TRPC4: variants seen among roughly 807,000 people sequenced by gnomAD.
TRPC4 encodes short transient receptor potential channel 4.
Under a neutral mutation model 99.4 loss-of-function variants are expected in TRPC4, and 49 were observed. The observed-to-expected ratio is 0.49, with a 90% CI of 0.39 to 0.63. TRPC4 has a LOEUF of 0.63. TRPC4 is among the 20% of genes least tolerant of loss of function. The probability of loss-of-function intolerance (pLI) is 0.00; values close to 1 mark genes in which losing one functional copy is unlikely to be tolerated. For missense variants in TRPC4, 898 were observed against 1,152.9 expected, an observed-to-expected ratio of 0.78 and a Z score of 3.20; for synonymous variants, 454 against 425.9, an observed-to-expected ratio of 1.07 and a Z score of -0.81.
intron 6 of TRPC4, among the ~76,000 whole-genome samples, chr13:37,661,381 C>T (rs1952432777): frequency 6.6e-6 from 1 of 152,154 alleles, no homozygotes; most frequent in Non-Finnish European, 1.5e-5. Flanking sequence ...TAAATCATGA[C>T]AGTGTTATGT....
chr13:37,862,806 T>C (rs1490983388), intron 1 of TRPC4, among the ~76,000 whole-genome samples: 1 of 151,550 alleles, frequency 6.6e-6, no homozygotes, highest in East Asian at 1.9e-4. Context: ...TATTAAGACC[T>C]CAGTAAAGTG....
At chr13:37,855,172 A>T (rs1241132878) in intron 1 of TRPC4, among the ~76,000 whole-genome samples, 1 of 151,764 alleles carries the variant, frequency 6.6e-6, no homozygotes. Context: ...ATTTTAAAAA[A>T]GCAAGCAGGA....
chr13:37,698,908 C>T (rs1192591992), intron 3 of TRPC4, among the ~76,000 whole-genome samples: 1 of 152,080 alleles, frequency 6.6e-6, no homozygotes. Flanking sequence ...AATACCTATA[C>T]CTAGTTTCTC....
intron 1 of TRPC4, among the ~76,000 whole-genome samples, chr13:37,799,602 G>T (rs1432135243): frequency 6.6e-6 from 1 of 152,152 alleles, no homozygotes. Flanking sequence ...AAAGAATTAA[G>T]ATGCAATTTG....
At chr13:37,711,762 C>T (rs1274002022) in intron 3 of TRPC4, among the ~76,000 whole-genome samples, 1 of 151,960 alleles carries the variant, frequency 6.6e-6, no homozygotes, top group East Asian at 1.9e-4. Flanking sequence ...AAGTCTGGTA[C>T]AGTGCTGTCC....
intron 2 of TRPC4, among the ~76,000 whole-genome samples, chr13:37,776,994 T>C (rs550772322): frequency 5.7e-4 from 87 of 152,110 alleles, no homozygotes; most frequent in African/African-American, 2.0e-3. Flanking sequence ...AATATCTTAC[T>C]TCAGACTGTT....
chr13:37,646,793 A>C (rs1294080621), intron 8 of TRPC4, among the ~76,000 whole-genome samples: 1 of 152,244 alleles, frequency 6.6e-6, no homozygotes, highest in African/African-American at 2.4e-5. Context: ...ATTTGACAGG[A>C]AGCAATGTCA....
chr13:37,859,114 C>A (rs910550244), intron 1 of TRPC4, among the ~76,000 whole-genome samples: 135 of 151,258 alleles, frequency 8.9e-4, no homozygotes, highest in African/African-American at 3.0e-3. Context: ...ATAAATAAAT[C>A]AGTTTACAGA....
At chr13:37,658,631 G>A (rs1005486756) in intron 6 of TRPC4, among the ~76,000 whole-genome samples, 18 of 152,192 alleles carry the variant, frequency 1.2e-4, no homozygotes, top group Non-Finnish European at 2.1e-4. Flanking sequence ...TGCTTAATGA[G>A]ACAATACCTG....
At chr13:37,860,192 A>G (rs1371343635) in intron 1 of TRPC4, among the ~76,000 whole-genome samples, 1 of 151,478 alleles carries the variant, frequency 6.6e-6, no homozygotes, top group Admixed American at 6.6e-5. Context: ...AAAATAAACT[A>G]TTAACAATGA....
intron 5 of TRPC4, among the ~76,000 whole-genome samples, chr13:37,671,750 A>G (rs1233652523): frequency 6.6e-6 from 1 of 152,186 alleles, no homozygotes; most frequent in Non-Finnish European, 1.5e-5. Context: ...CCAACTAGTA[A>G]GTGATGGAGG....
chr13:37,709,115 G>T (rs184277631), intron 3 of TRPC4, among the ~76,000 whole-genome samples: 1 of 152,010 alleles, frequency 6.6e-6, no homozygotes, highest in African/African-American at 2.4e-5. Flanking sequence ...AAACACTGGG[G>T]ATGAACTTGA....
At chr13:37,848,096 C>T (rs567151659) in intron 1 of TRPC4, among the ~76,000 whole-genome samples, 18 of 152,208 alleles carry the variant, frequency 1.2e-4, no homozygotes, top group African/African-American at 4.3e-4. Flanking sequence ...ATATTTTCAA[C>T]TTAAATGAGT....
rs141079535 is a variant in TRPC4, at chr13:37,688,477, G to T, written c.1234+3522C>A. Among the ~76,000 whole-genome samples the T allele has an allele frequency of 7.8e-4, 119 of 152,190 alleles. 1 individual carries two copies. Among genetic ancestry groups the T allele is most frequent in the African/African-American group, 2.7e-3 (113 of 41,528 alleles). Reference sequence around the variant, plus strand: ...AAACCATAATTCTTAAGAAGAAAAAGAAATTGGTTTGAAAGGTTAGGCTTT... The same window carrying T: ...AAACCATAATTCTTAAGAAGAAAAATAAATTGGTTTGAAAGGTTAGGCTTT... On this transcript the variant is annotated intron_variant, in intron 4 of 10. Transcript: ENST00000379705.
chr13:37,799,508 T>C (rs1490081079), intron 1 of TRPC4, among the ~76,000 whole-genome samples: 1 of 152,154 alleles, frequency 6.6e-6, no homozygotes, highest in African/African-American at 2.4e-5. Context: ...GATACCTTTG[T>C]GGTTTGGGCA....
intron 3 of TRPC4, among the ~76,000 whole-genome samples, chr13:37,741,934 G>GAA (rs369211542): frequency 0.11 from 15,673 of 145,548 alleles, 1,529 homozygotes; most frequent in African/African-American, 0.26. Flanking sequence ...ATTTTTTCAT[G>GAA]AAAAAAAAAA....
At chr13:37,800,764 T>C (rs1438147286) in intron 1 of TRPC4, among the ~76,000 whole-genome samples, 2 of 151,830 alleles carry the variant, frequency 1.3e-5, no homozygotes, top group Non-Finnish European at 2.9e-5. Flanking sequence ...AGCTAAAATA[T>C]AAACTGATAT....
intron 1 of TRPC4, among the ~76,000 whole-genome samples, chr13:37,850,223 T>C (rs1959019918): frequency 6.6e-6 from 1 of 152,194 alleles, no homozygotes; most frequent in Non-Finnish European, 1.5e-5. Flanking sequence ...TGGGGATTAC[T>C]CAGAAAACCA....
At chr13:37,785,234 G>A (rs1036502005) in intron 1 of TRPC4, among the ~76,000 whole-genome samples, 2 of 151,930 alleles carry the variant, frequency 1.3e-5, no homozygotes, top group Admixed American at 6.6e-5. Flanking sequence ...TTTTGCATCA[G>A]TGATGCCAAT....
Sources: gnomAD v4.1 joint callset for allele counts (sites outside exome capture counted in the v4.1 genomes callset) on GRCh38, gnomAD v4.1.1 for gene constraint, MANE v1.5 for transcripts, NCBI Gene and HGNC (gene_info 2026-07-23, HGNC 2026-07-21) for gene names.